IL1RAPL2: variants seen among roughly 807,000 people sequenced by gnomAD.
The protein encoded by IL1RAPL2 is X-linked interleukin-1 receptor accessory protein-like 2.
A neutral mutation model predicts 44.1 loss-of-function variants in IL1RAPL2; 3 were observed. The observed-to-expected ratio is 0.07, with a 90% CI of 0.03 to 0.18. The LOEUF is 0.18. Ranked by LOEUF, IL1RAPL2 falls within the 10% of genes least tolerant of loss-of-function variation. The pLI, the probability that IL1RAPL2 is intolerant of heterozygous loss-of-function variation, is 1.00. For missense variants in IL1RAPL2, 391 were observed against 496.4 expected, an observed-to-expected ratio of 0.79 and a Z score of 2.02; for synonymous variants, 181 against 178.8, an observed-to-expected ratio of 1.01 and a Z score of -0.10.
At chrX:104,573,129 A>G (rs1015173753) in intron 1 of IL1RAPL2, among the ~76,000 whole-genome samples, 4 of 112,121 alleles carry the variant, frequency 3.6e-5, no homozygotes, top group African/African-American at 1.3e-4. Flanking sequence ...TAGCCTTAGC[A>G]TTTTACTATG....
chrX:105,081,032 G>A (rs2147547979), intron 2 of IL1RAPL2, among the ~76,000 whole-genome samples: 1 of 111,188 alleles, frequency 9.0e-6, no homozygotes, highest in Admixed American at 9.6e-5. Context: ...AGTTTTTGGT[G>A]TATAGGAATG....
intron 6 of IL1RAPL2, among the ~76,000 whole-genome samples, chrX:105,646,228 G>A (rs927793133): frequency 9.0e-6 from 1 of 111,713 alleles, no homozygotes; most frequent in African/African-American, 3.3e-5. Flanking sequence ...GCATATGTGT[G>A]TCTCTGTCTG....
intron 2 of IL1RAPL2, among the ~76,000 whole-genome samples, chrX:104,833,324 T>C (rs1921659939): frequency 9.0e-6 from 1 of 111,677 alleles, no homozygotes; most frequent in Admixed American, 9.6e-5. Context: ...AATTTTTTTG[T>C]AGAAACGGGG....
At chrX:105,590,820 TG>T (rs2037163778) in intron 6 of IL1RAPL2, among the ~76,000 whole-genome samples, 1 of 93,391 alleles carries the variant, frequency 1.1e-5, no homozygotes, top group Admixed American at 1.1e-4. Context: ...AATTTGTGTG[TG>T]TGTGTGTGTG....
At chrX:105,311,671 CAT>C (rs973530685) in intron 5 of IL1RAPL2, among the ~76,000 whole-genome samples, 9 of 108,353 alleles carry the variant, frequency 8.3e-5, no homozygotes, top group Non-Finnish European at 1.9e-5. Context: ...CACAGACACA[CAT>C]ATATATAATT....
At chrX:104,576,394 TATG>T (rs1469088598) in intron 1 of IL1RAPL2, among the ~76,000 whole-genome samples, 1 of 112,144 alleles carries the variant, frequency 8.9e-6, no homozygotes, top group African/African-American at 3.2e-5. Flanking sequence ...TCACAAAATA[TATG>T]ATATTAAAAA....
intron 2 of IL1RAPL2, among the ~76,000 whole-genome samples, chrX:104,909,441 T>G (rs1175812140): frequency 1.8e-5 from 2 of 111,855 alleles, no homozygotes; most frequent in Non-Finnish European, 3.8e-5. Flanking sequence ...AGTTTCCAGT[T>G]TTTCTGTTCT....
Position 105,268,735 on chromosome X carries a change from T to A in IL1RAPL2, c.697+1194T>A, listed in dbSNP as rs553363571. 1.1e-3 allele frequency among the ~76,000 whole-genome samples: 117 copies of A among 111,060 alleles called. No homozygotes were observed. The Middle Eastern group carries it at 0.019, about 18-fold the overall frequency. ...GTGAGCTGAAATCACGCCACTTCAC[T>A]CCAGCCTAGGCAACAGAGCAAGACT... On this transcript the variant is annotated intron_variant, in intron 5 of 10. Transcript: ENST00000372582.
chrX:104,571,878 T>G (rs1429097682), intron 1 of IL1RAPL2, among the ~76,000 whole-genome samples: 1 of 111,931 alleles, frequency 8.9e-6, no homozygotes, highest in African/African-American at 3.2e-5. Flanking sequence ...ACCCAAATAG[T>G]GTGTTGTTTC....
chrX:105,428,139 A>AAAACT (rs1368493618), intron 5 of IL1RAPL2, among the ~76,000 whole-genome samples: 1 of 111,464 alleles, frequency 9.0e-6, no homozygotes, highest in Non-Finnish European at 1.9e-5. Context: ...TCTAAAACAA[A>AAAACT]AAACTACAAA....
At chrX:104,717,750 A>G (rs1295615198) in intron 2 of IL1RAPL2, among the ~76,000 whole-genome samples, 4 of 107,413 alleles carry the variant, frequency 3.7e-5, no homozygotes, top group African/African-American at 6.8e-5. Context: ...TCCTAATGCT[A>G]TCTCCCCCCC....
At chrX:105,686,308 C>T (rs1284046013) in intron 6 of IL1RAPL2, among the ~76,000 whole-genome samples, 2 of 100,214 alleles carry the variant, frequency 2.0e-5, no homozygotes, top group Non-Finnish European at 4.0e-5. Context: ...TCAGGAGACC[C>T]ATCTCACATG....
chrX:104,795,877 T>A (rs1932847104), intron 2 of IL1RAPL2, among the ~76,000 whole-genome samples: 1 of 111,988 alleles, frequency 8.9e-6, no homozygotes, highest in African/African-American at 3.2e-5. Context: ...CAGATGACAA[T>A]CTGAAGTTCC....
intron 2 of IL1RAPL2, among the ~76,000 whole-genome samples, chrX:105,125,906 A>C (rs1019432331): frequency 9.0e-6 from 1 of 111,115 alleles, no homozygotes; most frequent in African/African-American, 3.3e-5. Context: ...AAAGGCAATA[A>C]ATAAATAAAT....
At chrX:104,893,087 T>C (rs774557419) in intron 2 of IL1RAPL2, among the ~76,000 whole-genome samples, 2 of 112,190 alleles carry the variant, frequency 1.8e-5, no homozygotes, top group South Asian at 7.4e-4. Context: ...AGTTTCCATG[T>C]AGTTGAGTGG....
intron 5 of IL1RAPL2, among the ~76,000 whole-genome samples, chrX:105,384,850 A>G (rs2035464497): frequency 9.0e-6 from 1 of 110,718 alleles, no homozygotes; most frequent in Admixed American, 9.7e-5. Flanking sequence ...ATTCTTAGGT[A>G]ATTATTTTGT....
At chrX:105,475,319 T>G (rs1239160194) in intron 5 of IL1RAPL2, among the ~76,000 whole-genome samples, 1 of 111,121 alleles carries the variant, frequency 9.0e-6, no homozygotes, top group Non-Finnish European at 1.9e-5. Context: ...TCTAAGGGTT[T>G]GTCTAGCTCT....
At chrX:105,573,649 G>A (rs2037030549) in intron 6 of IL1RAPL2, among the ~76,000 whole-genome samples, 1 of 110,168 alleles carries the variant, frequency 9.1e-6, no homozygotes, top group Admixed American at 9.8e-5. Flanking sequence ...AATGGGTAGT[G>A]GTACCATTCT....
At chrX:104,900,997 T>C (rs1923796235) in intron 2 of IL1RAPL2, among the ~76,000 whole-genome samples, 2 of 111,042 alleles carry the variant, frequency 1.8e-5, no homozygotes, top group South Asian at 7.5e-4. Flanking sequence ...CTAGAGAACA[T>C]GTTCTTACTA....
Sources: gnomAD v4.1 joint callset for allele counts (sites outside exome capture counted in the v4.1 genomes callset) on GRCh38, gnomAD v4.1.1 for gene constraint, MANE v1.5 for transcripts, NCBI Gene and HGNC (gene_info 2026-07-23, HGNC 2026-07-21) for gene names.